DENND5B: variants seen among roughly 807,000 people sequenced by gnomAD.
DENND5B encodes the protein DENN domain-containing protein 5B.
In DENND5B, 34 loss-of-function variants were observed where a neutral mutation model predicts 140.6. The observed-to-expected ratio is 0.24, with a 90% confidence interval of 0.18 to 0.32. DENND5B has a LOEUF of 0.32. Ranked by LOEUF, DENND5B falls within the 10% of genes least tolerant of loss-of-function variation. DENND5B has a pLI of 1.00. For synonymous variants in DENND5B, 551 were observed against 562.1 expected, an observed-to-expected ratio of 0.98 and a Z score of 0.28; for missense variants, 1,142 against 1,560.2, an observed-to-expected ratio of 0.73 and a Z score of 4.52.
Position 31,495,360 on chromosome 12 carries a change from T to A in DENND5B, c.237+450A>T, listed in dbSNP as rs150083384. On this transcript the variant is annotated intron_variant, in intron 2 of 20. Coordinates refer to ENST00000389082, the MANE Select transcript of DENND5B (RefSeq NM_144973.4). ...AGCTTCTGCTTCCAGATCTTTAAAA[T>A]GAGGAGAGTATCACATTTCTTTTTT... Among the ~76,000 whole-genome samples, 235 of 149,846 alleles carry A rather than the reference T, an allele frequency of 1.6e-3. 2 individuals are homozygous for A. The highest frequency in any genetic ancestry group is 5.5e-3 in the African/African-American group (225 of 40,680).
intron 1 of DENND5B, among the ~76,000 whole-genome samples, chr12:31,502,370 T>C (rs1947043834): frequency 6.6e-6 from 1 of 152,156 alleles, no homozygotes; most frequent in South Asian, 2.1e-4. Context: ...TAATCTACCT[T>C]TTATAAATCA....
chr12:31,451,889 CAAT>C, intron 5 of DENND5B, 48 bp downstream of exon 5: 1 of 1,576,570 alleles, frequency 6.3e-7, no homozygotes, highest in Non-Finnish European at 8.6e-7. Context: ...ATGTTAAAAT[CAAT>C]AATAAAGCCA....
intron 12 of DENND5B, among the ~76,000 whole-genome samples, 185 bp from the exon 13 acceptor site, chr12:31,413,749 A>G (rs1942586997): frequency 6.6e-6 from 1 of 152,242 alleles, no homozygotes; most frequent in Non-Finnish European, 1.5e-5. Flanking sequence ...GTCTCACATC[A>G]TAATTGCCAT....
chr12:31,520,388 A>C (rs763722979), intron 1 of DENND5B, among the ~76,000 whole-genome samples: 10 of 152,248 alleles, frequency 6.6e-5, no homozygotes, highest in Non-Finnish European at 1.5e-4. Context: ...AACAGCTGTT[A>C]ATCATATGCA....
chr12:31,472,992 T>G (rs1210337973), intron 3 of DENND5B, among the ~76,000 whole-genome samples: 1 of 151,134 alleles, frequency 6.6e-6, no homozygotes, highest in African/African-American at 2.4e-5. Context: ...CAGGCTGGAG[T>G]GCAGTGGCAC....
intron 9 of DENND5B, 61 bp from the exon 10 acceptor site, chr12:31,424,748 A>C (rs1312488705): frequency 4.4e-6 from 7 of 1,574,040 alleles, no homozygotes; most frequent in Admixed American, 3.7e-5. Flanking sequence ...CCAACAAGTC[A>C]ATTACTAAAG....
chr12:31,388,270 T>A (rs924484492), intron 20 of DENND5B, among the ~76,000 whole-genome samples: 1 of 121,210 alleles, frequency 8.3e-6, no homozygotes, highest in African/African-American at 3.2e-5. Flanking sequence ...CATAACAGGG[T>A]GAGGAACAAA....
chr12:31,527,785 A>G (rs1948139321), intron 1 of DENND5B, among the ~76,000 whole-genome samples: 1 of 152,148 alleles, frequency 6.6e-6, no homozygotes, highest in African/African-American at 2.4e-5. Context: ...TTGGGGAAAA[A>G]AAAAAATCAC....
intron 1 of DENND5B, among the ~76,000 whole-genome samples, chr12:31,523,542 G>A (rs1246702244): frequency 6.6e-6 from 1 of 151,860 alleles, no homozygotes; most frequent in Non-Finnish European, 1.5e-5. Context: ...CTGAGTGAAT[G>A]TCTGGCCATC....
At chr12:31,485,252 C>T (rs1433074783) in intron 2 of DENND5B, among the ~76,000 whole-genome samples, 1 of 152,214 alleles carries the variant, frequency 6.6e-6, no homozygotes, top group African/African-American at 2.4e-5. Context: ...TTGGGCTATG[C>T]AGTCATGCCT....
chr12:31,500,489 G>A, intron 1 of DENND5B: 1 of 415,654 alleles, frequency 2.4e-6, no homozygotes. Context: ...AGACCAGCCT[G>A]ATCAACATGG....
At position 31,575,696 on chromosome 12, in the gene DENND5B, C is replaced by T. The variant is rs980869825; in HGVS notation, c.127+15010G>A. Among the ~76,000 whole-genome samples, 12 of 152,258 alleles carry T rather than the reference C, an allele frequency of 7.9e-5. No individual in the cohort carries two copies. In the South Asian group the frequency reaches 1.2e-3, roughly 16 times the overall value. On this transcript the variant is annotated intron_variant, in intron 1 of 20. Transcript: ENST00000389082. ...TTCAGGCTGGATGTGGTGGCTCACA[C>T]CTGTAATTCCAGCACTTTGGGAGGC...
Position 31,571,764 on chromosome 12 carries a change from G to A in DENND5B, c.127+18942C>T, listed in dbSNP as rs565718761. On this transcript the variant is annotated intron_variant, in intron 1 of 20. Coordinates refer to ENST00000389082, the MANE Select transcript of DENND5B (RefSeq NM_144973.4). ...TCCTGAGTAGCTGGGGAGCCACCAC[G>A]CCCGGCTAATTTTTGTGTATTTTTA... is the stretch of plus-strand genomic sequence containing the variant. Among the ~76,000 whole-genome samples the A allele has an allele frequency of 1.3e-4, 20 of 152,118 alleles. No individual in the cohort carries two copies. In the East Asian group the frequency reaches 2.7e-3, roughly 21 times the overall value.
intron 1 of DENND5B, among the ~76,000 whole-genome samples, chr12:31,533,480 C>A (rs1948367772): frequency 6.6e-6 from 1 of 152,128 alleles, no homozygotes; most frequent in African/African-American, 2.4e-5. Flanking sequence ...TGGTTTCAGC[C>A]TCAATATAAT....
chr12:31,467,840 C>A lies in DENND5B; in HGVS notation c.905-7459G>T, dbSNP rs574685785. Among the ~76,000 whole-genome samples, 12 of 151,826 alleles carry A rather than the reference C, an allele frequency of 7.9e-5. No homozygotes were observed. The East Asian group carries it at 1.7e-3, about 22-fold the overall frequency. Reference sequence around the variant, plus strand: ...CAAAATTTATCATTAAGAAAAAGAGCATATAACATCTAAACAGAAAAAACT... The same window carrying A: ...CAAAATTTATCATTAAGAAAAAGAGAATATAACATCTAAACAGAAAAAACT... On this transcript the variant is annotated intron_variant, in intron 3 of 20. Transcript: ENST00000389082.
intron 1 of DENND5B, among the ~76,000 whole-genome samples, chr12:31,548,895 A>G (rs1435531049): frequency 6.6e-6 from 1 of 152,082 alleles, no homozygotes; most frequent in Admixed American, 6.6e-5. Context: ...CTGAAAGCCA[A>G]GGGTTTTTTT....
At position 31,477,637 on chromosome 12, in the gene DENND5B, C is replaced by G. The variant is rs61995712; in HGVS notation, c.904+1952G>C. On this transcript the variant is annotated intron_variant, in intron 3 of 20. Coordinates refer to ENST00000389082, the MANE Select transcript of DENND5B (RefSeq NM_144973.4). ...ACCAGGTCAAGAATTCCATATAAAG[C>G]GTTTCAGCCTTCACTTGCAGATCAT... 8.5e-3 allele frequency: 1,354 copies of G among 159,976 alleles called. 23 individuals are homozygous for G. The highest frequency in any genetic ancestry group is 0.03 in the African/African-American group (1,250 of 41,584). The allele number at this position is 159,976 out of a possible 1,614,324, so 9.9% of individuals were successfully genotyped here.
At chr12:31,566,559 A>G (rs899775428) in intron 1 of DENND5B, among the ~76,000 whole-genome samples, 2 of 152,114 alleles carry the variant, frequency 1.3e-5, no homozygotes, top group African/African-American at 4.8e-5. Flanking sequence ...ACTTGAGGCC[A>G]GGAGTTCAAG....
chr12:31,402,644 C>T lies in DENND5B; in HGVS notation c.2804-1G>A. The T allele has an allele frequency of 6.3e-7, 1 of 1,587,692 alleles. No homozygotes were observed. ...ATGATCACTGACCTATACGGAATCACTGAAAGAAAAATGCAGAAATTAATT... is the reference window on the plus strand; with the variant it reads ...ATGATCACTGACCTATACGGAATCATTGAAAGAAAAATGCAGAAATTAATT... On this transcript the variant is annotated splice_acceptor_variant, in intron 14 of 20. Transcript: ENST00000389082. LOFTEE classifies it high-confidence loss of function.
Sources: allele counts gnomAD v4.1 joint callset (sites outside exome capture counted in the v4.1 genomes callset), GRCh38; gene constraint gnomAD v4.1.1; transcripts MANE v1.5; gene names NCBI Gene and HGNC (gene_info 2026-07-23, HGNC 2026-07-21).